The following TRPM3 variants were observed in gnomAD, a reference collection of about 807,000 sequenced individuals.
The protein encoded by TRPM3 is transient receptor potential cation channel subfamily M member 3, also known as long transient receptor potential channel 3.
In TRPM3, 77 loss-of-function variants were observed where a neutral mutation model predicts 181.2. The ratio of observed to expected loss-of-function variants is 0.42; its 90% CI spans 0.35 to 0.51. The LOEUF (loss-of-function observed/expected upper bound fraction) is 0.51. Ranked by LOEUF, TRPM3 falls within the 20% of genes least tolerant of loss-of-function variation. The pLI is 0.01. For synonymous variants in TRPM3, 745 were observed against 796.4 expected (o/e 0.94, Z 1.09); for missense variants, 1,759 against 2,196.7 (o/e 0.80, Z 3.98).
chr9:70,921,892 G>A lies in TRPM3; in HGVS notation c.178-57381C>T, dbSNP rs541846824. On this transcript the variant is annotated intron_variant, in intron 1 of 25. Coordinates refer to ENST00000677713, the MANE Select transcript of TRPM3 (RefSeq NM_001366145.2). ...TAGAAGAAGATAATTTCCCAACGGA[G>A]CTTTAAGATGGGTTGGCAGCCACTA... Among the ~76,000 whole-genome samples the A allele has an allele frequency of 2.7e-5, 4 of 149,156 alleles. No individual in the cohort carries two copies. In the South Asian group the frequency reaches 8.5e-4, roughly 32 times the overall value.
At chr9:70,931,122 T>G (rs1018025813) in intron 1 of TRPM3, among the ~76,000 whole-genome samples, 1 of 152,092 alleles carries the variant, frequency 6.6e-6, no homozygotes, top group Non-Finnish European at 1.5e-5. Context: ...AACGCAACTT[T>G]GAAGAGACAA....
In TRPM3 at chr9:71,436,964, A is replaced by T. The variant is rs191727512; in HGVS notation, c.183+9689T>A. Among the ~76,000 whole-genome samples, 21 of 152,364 alleles carry T rather than the reference A, an allele frequency of 1.4e-4. No individual in the cohort carries two copies. In the East Asian group the frequency reaches 3.5e-3, roughly 25 times the overall value. On this transcript the variant is annotated intron_variant, in intron 1 of 24. Transcript: ENST00000357533. ...AGAAATAGTTTGACAATATATTTTT[A>T]CAAGTTATATTTCTTAATAATACTT... is the stretch of plus-strand genomic sequence containing the variant.
intron 1 of TRPM3, among the ~76,000 whole-genome samples, chr9:71,267,150 C>T (rs11142763): frequency 0.25 from 37,610 of 151,944 alleles, 5,485 homozygotes; most frequent in African/African-American, 0.39. Context: ...CCTATCTTCC[C>T]ATATTCCTTT....
chr9:71,082,162 G>A (rs143848257), intron 1 of TRPM3, among the ~76,000 whole-genome samples: 2 of 152,222 alleles, frequency 1.3e-5, no homozygotes, highest in African/African-American at 4.8e-5. Flanking sequence ...TGACCCCAGC[G>A]CCAATCTCAA....
chr9:70,800,513 T>C (rs777023611), intron 6 of TRPM3, among the ~76,000 whole-genome samples: 2 of 152,206 alleles, frequency 1.3e-5, no homozygotes, highest in Non-Finnish European at 2.9e-5. Context: ...GCCACTTATA[T>C]GTAGATTTTC....
At chr9:71,210,060 G>C (rs971606210) in intron 1 of TRPM3, among the ~76,000 whole-genome samples, 16 of 152,324 alleles carry the variant, frequency 1.1e-4, no homozygotes, top group African/African-American at 3.4e-4. Context: ...GGAGGTGAGC[G>C]TCAGGGGACC....
At chr9:70,675,950 C>T (rs1264321705) in intron 9 of TRPM3, among the ~76,000 whole-genome samples, 1 of 152,174 alleles carries the variant, frequency 6.6e-6, no homozygotes, top group Non-Finnish European at 1.5e-5. Flanking sequence ...AAAGCCCATA[C>T]TTTATTCACA....
At position 70,609,903 on chromosome 9, in the gene TRPM3, A is replaced by ATCTT. The variant is rs565139251; in HGVS notation, c.2667+702_2667+705dup. On this transcript the variant is annotated intron_variant, in intron 19 of 25. Coordinates refer to ENST00000677713, the MANE Select transcript of TRPM3 (RefSeq NM_001366145.2). ...TGGAGATGACCTGGGCCAAAAGCTC[A>ATCTT]TCTTAAAAAAAAAAAAAATCACTGA... Among the ~76,000 whole-genome samples, 288 of 148,152 alleles carry ATCTT rather than the reference A, an allele frequency of 1.9e-3. 1 individual carries two copies. The highest frequency in any genetic ancestry group is 7.0e-3 in the African/African-American group (276 of 39,150).
At chr9:71,305,019 C>A (rs1192829274) in intron 1 of TRPM3, among the ~76,000 whole-genome samples, 1 of 152,114 alleles carries the variant, frequency 6.6e-6, no homozygotes, top group African/African-American at 2.4e-5. Context: ...TCTTAAAATA[C>A]CCCTGTGAGA....
chr9:71,397,960 G>A (rs1588845905), intron 1 of TRPM3, among the ~76,000 whole-genome samples: 1 of 152,094 alleles, frequency 6.6e-6, no homozygotes, highest in African/African-American at 2.4e-5. Context: ...ATTGTCAACT[G>A]TAACAACCAT....
chr9:71,374,816 C>G (rs1042694309), intron 1 of TRPM3, among the ~76,000 whole-genome samples: 1 of 151,908 alleles, frequency 6.6e-6, no homozygotes, highest in African/African-American at 2.4e-5. Flanking sequence ...GACAATCAGA[C>G]CCAAATCATG....
intron 1 of TRPM3, among the ~76,000 whole-genome samples, chr9:71,356,185 A>G (rs2091890637): frequency 1.3e-5 from 2 of 152,176 alleles, no homozygotes; most frequent in African/African-American, 4.8e-5. Flanking sequence ...TATGCTTTTA[A>G]CGGAATTTTT....
chr9:70,927,645 T>A (rs1352134354), intron 1 of TRPM3, among the ~76,000 whole-genome samples: 1 of 152,220 alleles, frequency 6.6e-6, no homozygotes. Context: ...GTATTTTCTC[T>A]TCTAGCATTT....
At chr9:71,366,600 T>C (rs2132761651) in intron 1 of TRPM3, among the ~76,000 whole-genome samples, 1 of 152,342 alleles carries the variant, frequency 6.6e-6, no homozygotes, top group African/African-American at 2.4e-5. Flanking sequence ...ACACATTCAG[T>C]TGCTGTCTGA....
chr9:70,774,898 G>A (rs887050009), intron 7 of TRPM3: 8 of 152,172 alleles, frequency 5.3e-5, no homozygotes, highest in Admixed American at 2.6e-4. Flanking sequence ...GACAACAGTA[G>A]TGCAGACTTG....
chr9:70,601,194 G>A (rs2059867785), intron 20 of TRPM3, among the ~76,000 whole-genome samples: 1 of 152,140 alleles, frequency 6.6e-6, no homozygotes, highest in South Asian at 2.1e-4. Flanking sequence ...TCATAGTCAC[G>A]CCATCGACCT....
chr9:70,945,766 A>C (rs974745934), intron 1 of TRPM3, among the ~76,000 whole-genome samples: 1 of 152,196 alleles, frequency 6.6e-6, no homozygotes, highest in Non-Finnish European at 1.5e-5. Flanking sequence ...ATATAGAACA[A>C]GTTAATTTTG....
chr9:71,183,343 T>C (rs1200957467), intron 1 of TRPM3, among the ~76,000 whole-genome samples: 1 of 152,122 alleles, frequency 6.6e-6, no homozygotes, highest in Non-Finnish European at 1.5e-5. Context: ...AGAAAACATC[T>C]CTCTTGAATC....
chr9:71,119,077 C>T (rs1016274486), intron 1 of TRPM3, among the ~76,000 whole-genome samples: 1 of 152,116 alleles, frequency 6.6e-6, no homozygotes, highest in African/African-American at 2.4e-5. Context: ...AATACAATTG[C>T]TCATATACCA....
Sources: allele counts gnomAD v4.1 joint callset (sites outside exome capture counted in the v4.1 genomes callset), GRCh38; gene constraint gnomAD v4.1.1; transcripts MANE v1.5; gene names NCBI Gene and HGNC (gene_info 2026-07-23, HGNC 2026-07-21).